Variants in ABAT observed in about 807,000 individuals in gnomAD.
ABAT encodes 4-aminobutyrate aminotransferase.
Under a neutral mutation model 64.6 loss-of-function variants are expected in ABAT, and 45 were observed. The ratio of observed to expected loss-of-function variants is 0.70; its 90% CI spans 0.55 to 0.89. The LOEUF is 0.89. Among genes scored for constraint, ABAT ranks in the 40% least tolerant of loss-of-function variants. The pLI is 0.00. For synonymous variants in ABAT, 297 were observed against 250.5 expected, an observed-to-expected ratio of 1.19 and a Z score of -1.75; for missense variants, 633 against 658.4, an observed-to-expected ratio of 0.96 and a Z score of 0.42.
chr16:8,685,748 T>C (rs1216720335), intron 1 of ABAT, among the ~76,000 whole-genome samples: 1 of 151,988 alleles, frequency 6.6e-6, no homozygotes, highest in Admixed American at 6.6e-5. Flanking sequence ...GTTCAAGTGA[T>C]GGAGAGGCAT....
At chr16:8,748,740 T>A (rs1357188843) in intron 4 of ABAT, among the ~76,000 whole-genome samples, 1 of 152,220 alleles carries the variant, frequency 6.6e-6, no homozygotes, top group African/African-American at 2.4e-5. Context: ...AATTGTCATA[T>A]CTTCTTAGTG....
intron 1 of ABAT, among the ~76,000 whole-genome samples, chr16:8,689,377 G>T (rs1196094636): frequency 6.6e-6 from 1 of 152,194 alleles, no homozygotes; most frequent in Non-Finnish European, 1.5e-5. Flanking sequence ...CATCTTGACT[G>T]CTGTAGCCTT....
At chr16:8,735,554 A>G in intron 1 of ABAT, 145 bp from the exon 2 acceptor site, 1 of 735,984 alleles carries the variant, frequency 1.4e-6, no homozygotes, top group South Asian at 1.6e-5. Flanking sequence ...CCTAATATAT[A>G]AAGTCCATGT....
chr16:8,761,042 C>T (rs1470628245), intron 6 of ABAT, among the ~76,000 whole-genome samples: 1 of 152,024 alleles, frequency 6.6e-6, no homozygotes, highest in Non-Finnish European at 1.5e-5. Flanking sequence ...CGCCACTGCA[C>T]TCCAGCCTGG....
At chr16:8,676,899 T>C (rs965863972) in intron 1 of ABAT, among the ~76,000 whole-genome samples, 1 of 152,198 alleles carries the variant, frequency 6.6e-6, no homozygotes, top group Non-Finnish European at 1.5e-5. Context: ...GGAAAAGAGC[T>C]GAAATTCTGG....
At chr16:8,767,283 G>A (rs1004415473) in intron 9 of ABAT, among the ~76,000 whole-genome samples, 2 of 152,246 alleles carry the variant, frequency 1.3e-5, no homozygotes, top group Non-Finnish European at 2.9e-5. Context: ...AACCCAAGGC[G>A]CAGCTGCCAT....
chr16:8,727,688 C>T (rs1314666293), intron 1 of ABAT, among the ~76,000 whole-genome samples: 2 of 152,178 alleles, frequency 1.3e-5, no homozygotes, highest in South Asian at 2.1e-4. Context: ...TTAAATTCTT[C>T]CATTTTCTTT....
chr16:8,681,958 C>T (rs550829689), intron 1 of ABAT, among the ~76,000 whole-genome samples: 4 of 151,982 alleles, frequency 2.6e-5, no homozygotes, highest in East Asian at 3.9e-4. Context: ...ATACTACTGA[C>T]GTGGAAGCGA....
chr16:8,781,068 G>C lies in ABAT; in HGVS notation c.1382-241G>C, dbSNP rs767971748. Among the ~76,000 whole-genome samples the C allele has an allele frequency of 9.9e-5, 15 of 152,164 alleles. No homozygotes were observed. Among genetic ancestry groups the C allele is most frequent in the African/African-American group, 3.1e-4 (13 of 41,442 alleles). ...AGGGAGGGAGGAAGGGAAAAAGGAAGTGTGGAGGGAAGGAAAGGAAGAAGA... is the reference window on the plus strand; with the variant it reads ...AGGGAGGGAGGAAGGGAAAAAGGAACTGTGGAGGGAAGGAAAGGAAGAAGA... On this transcript the variant is annotated intron_variant, in intron 15 of 15. Coordinates refer to ENST00000268251, the MANE Select transcript of ABAT (RefSeq NM_020686.6). The surrounding 1 kb of genome is among the most constrained non-coding windows in gnomAD (Gnocchi z 4.5).
Position 8,764,872 on chromosome 16 carries a change from C to A in ABAT, c.540+42C>A, listed in dbSNP as rs750283443. Reference sequence around the variant, plus strand: ...ACACACACACACACACACAGGCTCCCCAGCACCCAGCCACACGCTCACCCC... The same window carrying A: ...ACACACACACACACACACAGGCTCCACAGCACCCAGCCACACGCTCACCCC... On this transcript the variant is annotated intron_variant, in intron 8 of 15. Coordinates refer to ENST00000268251, the MANE Select transcript of ABAT (RefSeq NM_020686.6). The surrounding 1 kb of genome is among the most constrained non-coding windows in gnomAD (Gnocchi z 4.2). 29 of 1,512,664 alleles carry A rather than the reference C, an allele frequency of 1.9e-5. No individual in the cohort carries two copies. Among genetic ancestry groups the A allele is most frequent in the African/African-American group, 2.7e-5 (2 of 72,732 alleles). 93.7% of individuals were successfully genotyped at this position (1,512,664 alleles called of 1,614,324 possible).
intron 9 of ABAT, among the ~76,000 whole-genome samples, chr16:8,766,690 C>G (rs1262283517): frequency 6.6e-6 from 1 of 150,918 alleles, no homozygotes; most frequent in African/African-American, 2.4e-5. Context: ...AACAAAAGGC[C>G]GGCTGCTGTG....
intron 2 of ABAT, among the ~76,000 whole-genome samples, chr16:8,740,974 CT>C (rs1391704738): frequency 6.6e-6 from 1 of 152,214 alleles, no homozygotes; most frequent in Non-Finnish European, 1.5e-5. Context: ...AGAGCTTTGG[CT>C]GTTTGGGAAC....
At chr16:8,747,438 C>G (rs1173144924) in intron 3 of ABAT, among the ~76,000 whole-genome samples, 3 of 152,002 alleles carry the variant, frequency 2.0e-5, no homozygotes, top group Non-Finnish European at 4.4e-5. Flanking sequence ...AAACGGGAGA[C>G]ATTTTAAATG....
chr16:8,681,718 T>G (rs979901267), intron 1 of ABAT, among the ~76,000 whole-genome samples: 2 of 150,858 alleles, frequency 1.3e-5, no homozygotes, highest in African/African-American at 4.9e-5. Context: ...CTCAGCTCAC[T>G]GCAACTTCTG....
intron 2 of ABAT, among the ~76,000 whole-genome samples, chr16:8,743,692 A>G (rs531638875): frequency 0.012 from 706 of 57,520 alleles, 7 homozygotes; most frequent in African/African-American, 0.04. Flanking sequence ...TAGTTATAAT[A>G]TATATTTTAG....
At chr16:8,736,074 A>G (rs562088417) in intron 2 of ABAT, 4 of 473,780 alleles carry the variant, frequency 8.4e-6, no homozygotes, top group South Asian at 6.4e-5. Flanking sequence ...TGAAGGAGGA[A>G]CAAAGGCACG....
intron 1 of ABAT, among the ~76,000 whole-genome samples, chr16:8,687,614 C>A (rs186392535): frequency 5.8e-4 from 88 of 152,354 alleles, no homozygotes; most frequent in African/African-American, 2.1e-3. Flanking sequence ...CACCTGTCAA[C>A]AAATCAGATC....
rs201701679 is a variant in ABAT at position 8,735,764 on chromosome 16, C to T, written c.25C>T (p.Arg9Cys). 7.3e-5 allele frequency: 118 copies of T among 1,607,252 alleles called. No homozygotes were observed. Among genetic ancestry groups the T allele is most frequent in the South Asian group, 1.6e-4 (14 of 89,486 alleles). Residue 9 changes from arginine to cysteine, a missense_variant, in exon 2 of 16, where the codon CGC (arginine) becomes TGC (cysteine). Arg to Cys is a radical substitution (Grantham distance 180). Coordinates refer to ENST00000268251, the MANE Select transcript of ABAT (RefSeq NM_020686.6). MASMLLAQ[R>C]LACSFQHSYR... is the part of the protein sequence containing the mutation. ...CATGGCCTCCATGTTGCTCGCCCAG[C>T]GCCTGGCCTGCAGCTTCCAGCACAG... is the stretch of plus-strand genomic sequence containing the variant.
chr16:8,740,091 C>T (rs1214216401), intron 2 of ABAT, among the ~76,000 whole-genome samples: 1 of 151,968 alleles, frequency 6.6e-6, no homozygotes, highest in African/African-American at 2.4e-5. Flanking sequence ...ACCTCCACTC[C>T]TTAAGGTAAA....
Sources: allele counts gnomAD v4.1 joint callset (sites outside exome capture counted in the v4.1 genomes callset), GRCh38; gene constraint gnomAD v4.1.1; non-coding constraint Gnocchi (gnomAD v3.1); transcripts MANE v1.5; gene names NCBI Gene and HGNC (gene_info 2026-07-23, HGNC 2026-07-21).